VAMP7: variants seen among roughly 807,000 people sequenced by gnomAD.
The protein encoded by VAMP7 is vesicle associated membrane protein 7.
VAMP7 carries 14 observed loss-of-function variants against 29.6 expected under a neutral mutation model. The observed-to-expected ratio is 0.47, with a 90% CI of 0.31 to 0.74. The LOEUF (loss-of-function observed/expected upper bound fraction) is 0.74, where lower values mean the gene tolerates loss of function less well. VAMP7 is among the 30% of genes least tolerant of loss of function. The pLI, the probability that VAMP7 is intolerant of heterozygous loss-of-function variation, is 0.05. For missense variants in VAMP7, 223 were observed against 262.4 expected (o/e 0.85, Z 1.04); for synonymous variants, 95 against 88.1 (o/e 1.08, Z -0.44).
intron 6 of VAMP7, among the ~76,000 whole-genome samples, chrX:155,932,063 C>T (rs2066567137): frequency 6.6e-6 from 1 of 152,100 alleles, no homozygotes; most frequent in Admixed American, 6.5e-5. Flanking sequence ...TTCCATTGGT[C>T]TATATCTCTG....
chrX:155,919,742 C>G, intron 5 of VAMP7, 71 bp from the exon 6 acceptor site: 2 of 1,399,302 alleles, frequency 1.4e-6, no homozygotes, highest in Non-Finnish European at 2.0e-6. Flanking sequence ...AGTTATATTA[C>G]TTTTTTAAAA....
In VAMP7 at chrX:155,942,067, C is replaced by T. The variant is rs761221796; in HGVS notation, c.*116C>T. ...GGTATCTGCCAGTCTCTTCAACCCT[C>T]TTCTCACTTTTTAAAATCTTGTTCC... On this transcript the variant is annotated 3_prime_UTR_variant, in exon 8 of 8. Transcript: ENST00000286448. 3 of 1,586,406 alleles carry T rather than the reference C, an allele frequency of 1.9e-6. No homozygotes were observed. The highest frequency in any genetic ancestry group is 2.7e-5 in the African/African-American group (2 of 74,136).
At chrX:155,908,343 G>A (rs1022739285) in intron 5 of VAMP7, among the ~76,000 whole-genome samples, 6 of 152,210 alleles carry the variant, frequency 3.9e-5, no homozygotes, top group South Asian at 2.1e-4. Context: ...GATCACTCGC[G>A]GTTAGCAGCT....
intron 1 of VAMP7, among the ~76,000 whole-genome samples, chrX:155,883,664 GC>G (rs2065830837): frequency 6.7e-6 from 1 of 150,144 alleles, no homozygotes; most frequent in Non-Finnish European, 1.5e-5. Context: ...TGTTCACACA[GC>G]ATGTTTTGGT....
chrX:155,936,709 C>A (rs1035670302), intron 6 of VAMP7, among the ~76,000 whole-genome samples: 6 of 152,162 alleles, frequency 3.9e-5, no homozygotes, highest in Non-Finnish European at 8.8e-5. Context: ...CACTGTCCAA[C>A]AAGCCCCAGT....
intron 1 of VAMP7, among the ~76,000 whole-genome samples, chrX:155,883,936 G>A (rs1254847077): frequency 3.3e-5 from 5 of 151,342 alleles, no homozygotes; most frequent in Admixed American, 1.3e-4. Flanking sequence ...GGCTGGTCTC[G>A]AACTCCTGAC....
intron 5 of VAMP7, among the ~76,000 whole-genome samples, chrX:155,918,734 A>C (rs1193364443): frequency 6.6e-6 from 1 of 152,204 alleles, no homozygotes; most frequent in African/African-American, 2.4e-5. Context: ...GGAGCTGCAG[A>C]CCAGAGCTGT....
chrX:155,900,129 T>TC (rs997711548), intron 4 of VAMP7, among the ~76,000 whole-genome samples: 9 of 151,944 alleles, frequency 5.9e-5, no homozygotes, highest in African/African-American at 1.9e-4. Context: ...CAGCATTCTT[T>TC]CCCCCACTGC....
rs920592955 is a variant in VAMP7, at chrX:155,941,092, C to G, written c.595-791C>G. 1.3e-3 allele frequency among the ~76,000 whole-genome samples: 204 copies of G among 152,240 alleles called. 3 individuals carry two copies. The highest frequency in any genetic ancestry group is 4.5e-3 in the African/African-American group (188 of 41,556). On this transcript the variant is annotated intron_variant, in intron 7 of 7. Coordinates refer to ENST00000286448, the MANE Select transcript of VAMP7 (RefSeq NM_005638.6). ...TTGGGAAGCTGAGGCAGGAGGATTG[C>G]TTGAGGCCAAGAGTTTGAAGCCAGC...
intron 5 of VAMP7, among the ~76,000 whole-genome samples, chrX:155,903,983 A>C (rs1213262760): frequency 1.3e-5 from 2 of 152,030 alleles, no homozygotes; most frequent in South Asian, 2.1e-4. Flanking sequence ...AGACTGGATT[A>C]AGAAAATGTG....
intron 2 of VAMP7, among the ~76,000 whole-genome samples, chrX:155,891,359 C>T (rs2065923649): frequency 6.6e-6 from 1 of 152,104 alleles, no homozygotes. Context: ...AGAGAGGTAG[C>T]TCCAAAGACC....
chrX:155,943,551 T>C lies in VAMP7; in HGVS notation c.*1600T>C, dbSNP rs913285651. ...GTTCCAGAAAAACATTTGGCATTCC[T>C]GAATAATTTCCAAATGTTTTTAATC... is the stretch of plus-strand genomic sequence containing the variant. On this transcript the variant is annotated 3_prime_UTR_variant, in exon 8 of 8. Coordinates refer to ENST00000286448, the MANE Select transcript of VAMP7 (RefSeq NM_005638.6). 23 of 152,316 alleles carry C rather than the reference T, an allele frequency of 1.5e-4. No homozygotes were observed. Among genetic ancestry groups the C allele is most frequent in the African/African-American group, 5.3e-4 (22 of 41,434 alleles). The allele number at this position is 152,316 out of a possible 1,614,324, so 9.4% of individuals were successfully genotyped here.
chrX:155,932,559 G>T (rs1048977087), intron 6 of VAMP7, among the ~76,000 whole-genome samples: 6 of 151,944 alleles, frequency 3.9e-5, no homozygotes, highest in Non-Finnish European at 8.8e-5. Context: ...CGTTGATTTC[G>T]TATCAAGACT....
intron 6 of VAMP7, among the ~76,000 whole-genome samples, chrX:155,931,649 C>T (rs920226176): frequency 6.6e-6 from 1 of 152,042 alleles, no homozygotes; most frequent in African/African-American, 2.4e-5. Context: ...AACTTTTCTC[C>T]CACTCTGTAG....
intron 3 of VAMP7, among the ~76,000 whole-genome samples, chrX:155,897,883 T>G (rs2066007374): frequency 6.6e-6 from 1 of 152,152 alleles, no homozygotes; most frequent in African/African-American, 2.4e-5. Flanking sequence ...TGACCAGATA[T>G]ATCTGGATTC....
intron 6 of VAMP7, among the ~76,000 whole-genome samples, chrX:155,932,723 G>A (rs1222938573): frequency 1.3e-5 from 2 of 152,102 alleles, no homozygotes; most frequent in Admixed American, 1.3e-4. Context: ...GATTGCCCTG[G>A]CCAGAACTTC....
chrX:155,900,536 G>A lies in VAMP7; in HGVS notation c.382G>A (p.Glu128Lys), dbSNP rs2066047382. ...GAATAAGGGCCTAGACAAAGTGATG[G>A]AGACTCAAGCCCAAGTGGATGAACT... is the stretch of plus-strand genomic sequence containing the variant. ...SENKGLDKVM[E>K]TQAQVDELKG... The change falls in exon 5 of 8, where the codon GAG becomes AAG. Residue 128 changes from glutamate (E) to lysine (K), a missense_variant. Physicochemically the swap from Glu to Lys is moderately conservative, Grantham distance 56 (BLOSUM62 1). Coordinates refer to ENST00000286448, the MANE Select transcript of VAMP7 (RefSeq NM_005638.6). 1 of 1,610,866 alleles carries A rather than the reference G, an allele frequency of 6.2e-7. No individual in the cohort carries two copies. The highest frequency in any genetic ancestry group is 8.5e-7 in the Non-Finnish European group (1 of 1,178,272).
intron 1 of VAMP7, among the ~76,000 whole-genome samples, chrX:155,886,890 A>G (rs1326774503): frequency 6.6e-6 from 1 of 152,108 alleles, no homozygotes; most frequent in Non-Finnish European, 1.5e-5. Flanking sequence ...TTTTGTATTA[A>G]TTGTTGCCAA....
At position 155,919,754 on chromosome X, in the gene VAMP7, A is replaced by G. The variant is rs1302002142; in HGVS notation, c.434-59A>G. On this transcript the variant is annotated intron_variant, in intron 5 of 7. Transcript: ENST00000286448. The stretch of plus-strand genomic sequence containing the variant: ...TTAAGTTATATTACTTTTTTAAAAA[A>G]AGTTTATTTTATTCTACAATGGAAA... The G allele has an allele frequency of 4.7e-6, 7 of 1,486,986 alleles. No homozygotes were observed. The Admixed American group carries it at 7.1e-5, about 15-fold the overall frequency. 92.1% of individuals were successfully genotyped at this position (1,486,986 alleles called of 1,614,324 possible).
Sources: allele counts gnomAD v4.1 joint callset (sites outside exome capture counted in the v4.1 genomes callset), GRCh38; gene constraint gnomAD v4.1.1; transcripts MANE v1.5; gene names NCBI Gene and HGNC (gene_info 2026-07-23, HGNC 2026-07-21).